The following PITPNM2 variants were observed in gnomAD, a reference collection of about 807,000 sequenced individuals.
PITPNM2 encodes phosphatidylinositol transfer protein membrane associated 2, also known as membrane-associated phosphatidylinositol transfer protein 2.
In PITPNM2, 35 loss-of-function variants were observed where a neutral mutation model predicts 132.2. The observed-to-expected ratio is 0.26, with a 90% CI of 0.20 to 0.35. PITPNM2 has a LOEUF of 0.35. Among genes scored for constraint, PITPNM2 ranks in the 10% least tolerant of loss-of-function variants. The pLI, the probability that PITPNM2 is intolerant of heterozygous loss-of-function variation, is 1.00. For missense variants in PITPNM2, 1,332 were observed against 1,912.0 expected, an observed-to-expected ratio of 0.70 and a Z score of 5.66; for synonymous variants, 738 against 799.2, an observed-to-expected ratio of 0.92 and a Z score of 1.29.
chr12:122,985,213 A>G lies in PITPNM2; in HGVS notation c.*814T>C, dbSNP rs965710083. ...AAGCAGCCAAGGATTGCTCGTTTAA[A>G]AAAACCTCATAGAAATCAGATTGAG... On this transcript the variant is annotated 3_prime_UTR_variant, in exon 26 of 26. Transcript: ENST00000320201. The G allele has an allele frequency of 1.3e-5, 2 of 152,484 alleles. No individual in the cohort carries two copies. The highest frequency in any genetic ancestry group is 4.8e-5 in the African/African-American group (2 of 41,444). 9.4% of individuals were successfully genotyped at this position (152,484 alleles called of 1,614,324 possible).
chr12:123,050,631 T>C (rs2040826786), intron 2 of PITPNM2, among the ~76,000 whole-genome samples: 1 of 152,208 alleles, frequency 6.6e-6, no homozygotes, highest in African/African-American at 2.4e-5. Context: ...CCTTAGGGGA[T>C]GTGAGGACAG....
rs774907366 is a variant in PITPNM2 at position 122,986,827 on chromosome 12, T to C, written c.3416A>G (p.His1139Arg). 1 of 1,608,146 alleles carries C rather than the reference T, an allele frequency of 6.2e-7. No individual in the cohort carries two copies. Reference sequence around the variant, plus strand: ...GATGAGGTAGCCCAGGTCCTGCCAGTGCCTGGGGGTGAGGTGTCGTCTCAT... The same window carrying C: ...GATGAGGTAGCCCAGGTCCTGCCAGCGCCTGGGGGTGAGGTGTCGTCTCAT... ...VRAGAVDVVR[H>R]WQDLGYLIIY... The change falls in exon 24 of 26, where the codon CAC (histidine) becomes CGC (arginine). Residue 1139 changes from histidine (H) to arginine (R), a missense_variant and splice_region_variant. Around this residue, in one of 6 missense-constraint regions of PITPNM2, gnomAD observed 251 missense variants for 472.0 expected, o/e 0.53. Coordinates refer to ENST00000320201, the MANE Select transcript of PITPNM2 (RefSeq NM_020845.3).
intron 1 of PITPNM2, among the ~76,000 whole-genome samples, chr12:123,121,532 T>G (rs938415933): frequency 3.3e-5 from 5 of 152,126 alleles, no homozygotes; most frequent in African/African-American, 4.8e-5. Flanking sequence ...CCATAATAAC[T>G]TTTTTATTTT....
At chr12:123,073,171 T>G (rs1028480986) in intron 2 of PITPNM2, among the ~76,000 whole-genome samples, 1 of 152,238 alleles carries the variant, frequency 6.6e-6, no homozygotes, top group African/African-American at 2.4e-5. Context: ...ACTTTCAACC[T>G]CTTAGGAAGA....
Position 123,031,047 on chromosome 12 carries a change from T to C in PITPNM2, c.78+3466A>G, listed in dbSNP as rs2040069885. On this transcript the variant is annotated intron_variant, in intron 3 of 25. Coordinates refer to ENST00000320201, the MANE Select transcript of PITPNM2 (RefSeq NM_020845.3). The surrounding 1 kb of genome is among the most constrained non-coding windows in gnomAD (Gnocchi z 4.5). ...GGGTTTCTTTCTGGGGTGATGAAAG[T>C]GTTTTGGAACTAAAGTTGGTGGTTG... Among the ~76,000 whole-genome samples, 2 of 152,270 alleles carry C rather than the reference T, an allele frequency of 1.3e-5. No individual in the cohort carries two copies. The highest frequency in any genetic ancestry group is 4.1e-4 in the South Asian group (2 of 4,820).
chr12:123,147,861 C>G (rs535346177), intron 1 of PITPNM2, among the ~76,000 whole-genome samples: 1 of 152,216 alleles, frequency 6.6e-6, no homozygotes, highest in Admixed American at 6.5e-5. Flanking sequence ...CTACCCTGCA[C>G]AGTGTGTCAG....
chr12:122,991,437 G>A (rs561185480), intron 16 of PITPNM2, among the ~76,000 whole-genome samples: 10 of 152,210 alleles, frequency 6.6e-5, no homozygotes, highest in East Asian at 3.8e-4. Context: ...GGGTGGGCCC[G>A]GCTGGCTCAA....
At chr12:123,140,445 A>G (rs555072289) in intron 1 of PITPNM2, among the ~76,000 whole-genome samples, 2 of 152,282 alleles carry the variant, frequency 1.3e-5, no homozygotes, top group South Asian at 4.1e-4. Context: ...TCAGAGAACA[A>G]GGAAAAGAGC....
intron 2 of PITPNM2, among the ~76,000 whole-genome samples, chr12:123,107,938 A>T (rs2042754909): frequency 6.6e-6 from 1 of 152,232 alleles, no homozygotes; most frequent in Non-Finnish European, 1.5e-5. Context: ...GTATGCCGTG[A>T]CAGCACAGAG....
chr12:122,987,205 C>T (rs571852868), intron 23 of PITPNM2, 76 bp downstream of exon 23: 19 of 1,585,862 alleles, frequency 1.2e-5, no homozygotes, highest in Middle Eastern at 2.3e-4. Flanking sequence ...CCGCTGTCCT[C>T]CTCCACCTGG....
At chr12:123,149,773 T>TA (rs1392460648) in intron 1 of PITPNM2, 1 of 152,462 alleles carries the variant, frequency 6.6e-6, no homozygotes, top group African/African-American at 2.4e-5. Flanking sequence ...GGGGAGCACT[T>TA]ACTGCCTTCC....
chr12:123,137,221 C>T (rs2043401621), intron 1 of PITPNM2, among the ~76,000 whole-genome samples: 1 of 152,174 alleles, frequency 6.6e-6, no homozygotes, highest in African/African-American at 2.4e-5. Context: ...GCCTTCCCTA[C>T]CACTATCTGT....
At chr12:123,034,815 G>T in intron 2 of PITPNM2, 130 bp from the exon 3 acceptor site, 1 of 514,172 alleles carries the variant, frequency 1.9e-6, no homozygotes, top group Non-Finnish European at 3.5e-6. Flanking sequence ...TGATCCAACG[G>T]TGCAACTTTG....
In PITPNM2 at chr12:123,007,801, G is replaced by A. The variant is rs145070938; in HGVS notation, c.643+2049C>T. Among the ~76,000 whole-genome samples the A allele has an allele frequency of 5.3e-5, 8 of 152,208 alleles. No homozygotes were observed. The East Asian group carries it at 1.2e-3, about 22-fold the overall frequency. On this transcript the variant is annotated intron_variant, in intron 6 of 25. Transcript: ENST00000320201. ...GCCTCCTCCTGGGGTGACCGGAAGG[G>A]CTGGGACATGCACTACATCTGGGGC...
chr12:123,061,994 G>A (rs1178191203), intron 2 of PITPNM2, among the ~76,000 whole-genome samples: 3 of 152,104 alleles, frequency 2.0e-5, no homozygotes, highest in East Asian at 1.9e-4. Flanking sequence ...AGAGGTAGGC[G>A]GTAAGTTCCT....
intron 1 of PITPNM2, among the ~76,000 whole-genome samples, chr12:123,142,299 T>C (rs950848740): frequency 1.3e-5 from 2 of 152,206 alleles, no homozygotes; most frequent in Non-Finnish European, 2.9e-5. Context: ...TATAAATTAG[T>C]GAGCTATTTT....
rs2039054233 is a variant in PITPNM2, at chr12:123,008,933, C to T, written c.643+917G>A. Among the ~76,000 whole-genome samples, 1 of 152,228 alleles carries T rather than the reference C, an allele frequency of 6.6e-6. No homozygotes were observed. Among genetic ancestry groups the T allele is most frequent in the African/African-American group, 2.4e-5 (1 of 41,458 alleles). On this transcript the variant is annotated intron_variant, in intron 6 of 25. Coordinates refer to ENST00000320201, the MANE Select transcript of PITPNM2 (RefSeq NM_020845.3). The surrounding 1 kb of genome is among the most constrained non-coding windows in gnomAD (Gnocchi z 4.1). ...GCTGTCTAGTGAGACACCTCCCTTACTGATGCTAAGAACAGGAGGATGTTA... is the reference window on the plus strand; with the variant it reads ...GCTGTCTAGTGAGACACCTCCCTTATTGATGCTAAGAACAGGAGGATGTTA...
chr12:123,056,257 G>C (rs2041022632), intron 2 of PITPNM2, among the ~76,000 whole-genome samples: 1 of 152,232 alleles, frequency 6.6e-6, no homozygotes, highest in Non-Finnish European at 1.5e-5. Flanking sequence ...AGTGGCCTCA[G>C]AGTACTCGTC....
intron 1 of PITPNM2, among the ~76,000 whole-genome samples, chr12:123,118,785 C>T (rs1253074794): frequency 6.6e-6 from 1 of 152,198 alleles, no homozygotes; most frequent in Non-Finnish European, 1.5e-5. Flanking sequence ...TCTTCATCCT[C>T]GTTAATGTCA....
Sources: allele counts gnomAD v4.1 joint callset (sites outside exome capture counted in the v4.1 genomes callset), GRCh38; gene constraint gnomAD v4.1.1; regional missense constraint gnomAD v4.1.1; non-coding constraint Gnocchi (gnomAD v3.1); transcripts MANE v1.5; gene names NCBI Gene and HGNC (gene_info 2026-07-23, HGNC 2026-07-21).